The following RNGTT variants were observed in gnomAD, a reference collection of about 807,000 sequenced individuals.
The protein encoded by RNGTT is RNA guanylyltransferase and 5'-phosphatase.
RNGTT carries 33 observed loss-of-function variants against 79.3 expected under a neutral mutation model. The ratio of observed to expected loss-of-function variants is 0.42; its 90% CI spans 0.32 to 0.56. The LOEUF (loss-of-function observed/expected upper bound fraction) is 0.56, where lower values mean the gene tolerates loss of function less well. Among genes scored for constraint, RNGTT ranks in the 20% least tolerant of loss-of-function variants. The probability of loss-of-function intolerance (pLI) is 0.17; values close to 1 mark genes in which losing one functional copy is unlikely to be tolerated. For missense variants in RNGTT, 497 were observed against 739.1 expected (o/e 0.67, Z 3.80); for synonymous variants, 222 against 235.9 (o/e 0.94, Z 0.54).
intron 12 of RNGTT, among the ~76,000 whole-genome samples, chr6:88,785,524 T>C (rs9344867): frequency 0.14 from 20,990 of 152,192 alleles, 1,581 homozygotes; most frequent in Middle Eastern, 0.24. Flanking sequence ...ATTTTCTTTC[T>C]TGGCACTTTG....
intron 13 of RNGTT, among the ~76,000 whole-genome samples, chr6:88,760,717 CAGAAAAA>C (rs1778187788): frequency 6.6e-6 from 1 of 151,832 alleles, no homozygotes; most frequent in Non-Finnish European, 1.5e-5. Flanking sequence ...GGGTAGAAAA[CAGAAAAA>C]TGCTGCTCAG....
At chr6:88,661,362 GATAA>G (rs1774176561) in intron 14 of RNGTT, among the ~76,000 whole-genome samples, 2 of 151,870 alleles carry the variant, frequency 1.3e-5, no homozygotes, top group Non-Finnish European at 2.9e-5. Context: ...CAATACAAAA[GATAA>G]ATAAAACGAA....
intron 4 of RNGTT, 113 bp from the exon 5 acceptor site, chr6:88,906,553 A>G (rs541368757): frequency 6.4e-5 from 38 of 593,416 alleles, no homozygotes; most frequent in Middle Eastern, 3.7e-4. Flanking sequence ...AAATAATTAC[A>G]TTTTTTAATT....
chr6:88,739,703 C>T (rs1582403170), intron 13 of RNGTT, among the ~76,000 whole-genome samples: 1 of 103,092 alleles, frequency 9.7e-6, no homozygotes, highest in East Asian at 3.1e-4. Context: ...ATATTTCTCC[C>T]GTGTAACTGG....
intron 8 of RNGTT, among the ~76,000 whole-genome samples, chr6:88,872,902 T>A (rs112931801): frequency 0.013 from 1,973 of 152,148 alleles, 18 homozygotes; most frequent in Non-Finnish European, 0.019. Flanking sequence ...GTGCACAGGA[T>A]GACTACAGTG....
intron 4 of RNGTT, among the ~76,000 whole-genome samples, chr6:88,924,792 T>C (rs1582136764): frequency 6.6e-6 from 1 of 151,520 alleles, no homozygotes; most frequent in African/African-American, 2.4e-5. Flanking sequence ...GGTGTGATCA[T>C]ACCTCACTAT....
At chr6:88,905,232 G>A (rs1178914236) in intron 5 of RNGTT, among the ~76,000 whole-genome samples, 3 of 152,200 alleles carry the variant, frequency 2.0e-5, no homozygotes, top group Admixed American at 1.3e-4. Context: ...GAAGAATTTA[G>A]TCTTGAAGGT....
intron 11 of RNGTT, among the ~76,000 whole-genome samples, chr6:88,839,743 T>TA (rs1406455256): frequency 6.6e-6 from 1 of 152,192 alleles, no homozygotes; most frequent in East Asian, 1.9e-4. Flanking sequence ...TGCATGTTTT[T>TA]AAAGTTTTGT....
chr6:88,628,769 C>T (rs544649721), intron 14 of RNGTT, among the ~76,000 whole-genome samples: 13 of 152,146 alleles, frequency 8.5e-5, no homozygotes, highest in East Asian at 7.7e-4. Context: ...AGCTCTACAT[C>T]GCACTACCTC....
intron 6 of RNGTT, among the ~76,000 whole-genome samples, chr6:88,901,751 C>G (rs527586081): frequency 1.3e-5 from 2 of 152,152 alleles, no homozygotes; most frequent in East Asian, 3.9e-4. Flanking sequence ...TCGTGATTCG[C>G]CCGCCTCAGT....
At chr6:88,939,914 G>A (rs1488596348) in intron 2 of RNGTT, among the ~76,000 whole-genome samples, 21 of 150,836 alleles carry the variant, frequency 1.4e-4, no homozygotes, top group East Asian at 3.9e-4. Flanking sequence ...CACCATGCCC[G>A]GCTAATTTTT....
At chr6:88,942,834 C>A (rs1338632841) in intron 1 of RNGTT, among the ~76,000 whole-genome samples, 1 of 152,208 alleles carries the variant, frequency 6.6e-6, no homozygotes, top group Non-Finnish European at 1.5e-5. Flanking sequence ...ATCAAATGGT[C>A]AACTCTCAGT....
At chr6:88,933,507 G>A (rs1784572473) in intron 2 of RNGTT, among the ~76,000 whole-genome samples, 1 of 151,448 alleles carries the variant, frequency 6.6e-6, no homozygotes, top group African/African-American at 2.4e-5. Flanking sequence ...AAGAGATAGA[G>A]TCTCACTCTG....
chr6:88,693,373 G>T (rs940142358), intron 13 of RNGTT, among the ~76,000 whole-genome samples: 1 of 151,918 alleles, frequency 6.6e-6, no homozygotes, highest in African/African-American at 2.4e-5. Flanking sequence ...TAGAAGAAAC[G>T]GGTAAATTCC....
At chr6:88,881,884 G>T (rs1582578288) in intron 8 of RNGTT, among the ~76,000 whole-genome samples, 1 of 152,102 alleles carries the variant, frequency 6.6e-6, no homozygotes, top group East Asian at 1.9e-4. Context: ...CAAATATCTT[G>T]TTGCTAAATT....
chr6:88,857,239 T>C (rs1218078751), intron 8 of RNGTT, among the ~76,000 whole-genome samples: 1 of 152,094 alleles, frequency 6.6e-6, no homozygotes, highest in Non-Finnish European at 1.5e-5. Flanking sequence ...CAGAAAACAA[T>C]GGTAACTAAT....
chr6:88,949,172 A>AAAG (rs1255470790), intron 1 of RNGTT, among the ~76,000 whole-genome samples: 63 of 146,120 alleles, frequency 4.3e-4, no homozygotes, highest in Non-Finnish European at 1.5e-4. Context: ...AAAAAAAAAA[A>AAAG]AAAAAAGAAA....
intron 13 of RNGTT, among the ~76,000 whole-genome samples, chr6:88,725,985 T>G (rs1160676690): frequency 1.4e-5 from 2 of 146,468 alleles, no homozygotes; most frequent in Non-Finnish European, 3.0e-5. Flanking sequence ...GGCGGAGAGA[T>G]AAAGAGAAAG....
intron 13 of RNGTT, among the ~76,000 whole-genome samples, chr6:88,737,071 A>C (rs1246022807): frequency 1.3e-5 from 2 of 152,174 alleles, no homozygotes; most frequent in Non-Finnish European, 2.9e-5. Context: ...ACAGCATGAA[A>C]TCAAAGAGAT....
Sources: gnomAD v4.1 joint callset for allele counts (sites outside exome capture counted in the v4.1 genomes callset) on GRCh38, gnomAD v4.1.1 for gene constraint, MANE v1.5 for transcripts, NCBI Gene and HGNC (gene_info 2026-07-23, HGNC 2026-07-21) for gene names.